SAMD5: variants seen among roughly 807,000 people sequenced by gnomAD.
SAMD5 encodes sterile alpha motif domain containing 5.
SAMD5 carries 13 observed loss-of-function variants against 11.3 expected under a neutral mutation model. That is an observed-to-expected ratio of 1.15 (90% CI 0.75 to 1.83). The LOEUF (loss-of-function observed/expected upper bound fraction) is 1.83, where lower values mean the gene tolerates loss of function less well. Among genes scored for constraint, SAMD5 ranks in the 40% most tolerant of loss-of-function variants. The pLI, the probability that SAMD5 is intolerant of heterozygous loss-of-function variation, is 0.00. For missense variants in SAMD5, 255 were observed against 239.1 expected (o/e 1.07, Z -0.44); for synonymous variants, 129 against 111.3 (o/e 1.16, Z -1.00).
At chr6:147,707,336 T>G (rs1264290063) in intron 1 of SAMD5, among the ~76,000 whole-genome samples, 3 of 152,220 alleles carry the variant, frequency 2.0e-5, no homozygotes. Flanking sequence ...AATACACCAT[T>G]TTGTTCAGAA....
chr6:147,941,757 T>C, the SAMD5 span, among the ~76,000 whole-genome samples: 1 of 149,772 alleles, frequency 6.7e-6, no homozygotes, highest in South Asian at 2.1e-4. Context: ...ATAAACAAAA[T>C]ACACATTTTT....
chr6:147,632,335 G>A (rs1790163466), intron 1 of SAMD5, among the ~76,000 whole-genome samples: 1 of 152,200 alleles, frequency 6.6e-6, no homozygotes, highest in Non-Finnish European at 1.5e-5. Flanking sequence ...TGGTGGTGCA[G>A]GATATGGAAG....
the SAMD5 span, among the ~76,000 whole-genome samples, chr6:147,858,842 A>G: frequency 1.3e-5 from 2 of 152,252 alleles, no homozygotes; most frequent in Non-Finnish European, 2.9e-5. Context: ...GTAAATATTC[A>G]GTGCCTACCA....
chr6:147,692,488 G>GT (rs1260148971), intron 1 of SAMD5: 2 of 152,266 alleles, frequency 1.3e-5, no homozygotes, highest in Non-Finnish European at 2.9e-5. Flanking sequence ...GCAGTCTTTG[G>GT]TAAGTCTAGA....
chr6:147,866,103 G>A, the SAMD5 span, among the ~76,000 whole-genome samples: 1 of 139,254 alleles, frequency 7.2e-6, no homozygotes, highest in Non-Finnish European at 1.6e-5. Context: ...GTATCTTAGT[G>A]AGCTGAAATT....
chr6:147,698,025 G>A (rs1217385571), intron 1 of SAMD5, among the ~76,000 whole-genome samples: 1 of 152,178 alleles, frequency 6.6e-6, no homozygotes, highest in Non-Finnish European at 1.5e-5. Context: ...GCATTAGTTA[G>A]ATTCTCATAA....
chr6:147,773,558 G>T, the SAMD5 span, among the ~76,000 whole-genome samples: 17 of 152,310 alleles, frequency 1.1e-4, no homozygotes, highest in African/African-American at 3.8e-4. Context: ...TATCTGGTTA[G>T]GGCCTGCTTC....
the SAMD5 span, among the ~76,000 whole-genome samples, chr6:147,933,093 T>G: frequency 1.3e-5 from 2 of 152,180 alleles, no homozygotes; most frequent in Non-Finnish European, 2.9e-5. Context: ...TCTTCCTCCT[T>G]TCCAATAGTA....
At chr6:147,840,734 G>A in the SAMD5 span, among the ~76,000 whole-genome samples, 198 of 152,302 alleles carry the variant, frequency 1.3e-3, no homozygotes, top group African/African-American at 4.4e-3. Flanking sequence ...TAAAAGAGAG[G>A]TAATGATACT....
At chr6:147,877,572 C>T in the SAMD5 span, among the ~76,000 whole-genome samples, 1 of 152,118 alleles carries the variant, frequency 6.6e-6, no homozygotes, top group African/African-American at 2.4e-5. Context: ...TTTGGTTACA[C>T]AACAGTCTAG....
the SAMD5 span, among the ~76,000 whole-genome samples, chr6:147,779,712 TTCCTCCTGGAGAGA>T: frequency 6.6e-6 from 1 of 152,202 alleles, no homozygotes; most frequent in African/African-American, 2.4e-5. Flanking sequence ...TATCTCTTTG[TTCCTCCTGGAGAGA>T]TAGCACTATA....
chr6:147,557,465 T>C (rs1417609599), intron 1 of SAMD5, among the ~76,000 whole-genome samples: 2 of 152,160 alleles, frequency 1.3e-5, no homozygotes, highest in East Asian at 1.9e-4. Flanking sequence ...GGGGAGACTC[T>C]TTCCTTGTCT....
the SAMD5 span, among the ~76,000 whole-genome samples, chr6:147,909,622 T>TTCTCTCTCTCTCTCTCTC: frequency 1.0e-4 from 7 of 69,782 alleles, no homozygotes; most frequent in East Asian, 1.3e-3. Context: ...CTTTCTTTCT[T>TTCTCTCTCTCTCTCTCTC]TCTTTCTTTC....
the SAMD5 span, among the ~76,000 whole-genome samples, chr6:147,918,898 G>C: frequency 6.6e-5 from 10 of 151,768 alleles, no homozygotes; most frequent in South Asian, 2.1e-4. Flanking sequence ...GTAGAGACAG[G>C]GTTTCACCGT....
chr6:147,611,939 C>G (rs1271751609), intron 1 of SAMD5, among the ~76,000 whole-genome samples: 1 of 152,204 alleles, frequency 6.6e-6, no homozygotes, highest in Non-Finnish European at 1.5e-5. Flanking sequence ...CTTCCCAACA[C>G]CTGAGCACAA....
chr6:147,802,144 C>G, the SAMD5 span, among the ~76,000 whole-genome samples: 1 of 152,082 alleles, frequency 6.6e-6, no homozygotes, highest in Non-Finnish European at 1.5e-5. Context: ...AAAAGGTTTA[C>G]AATACATGTA....
At chr6:147,916,630 G>T in the SAMD5 span, among the ~76,000 whole-genome samples, 4 of 151,946 alleles carry the variant, frequency 2.6e-5, no homozygotes, top group East Asian at 5.8e-4. Context: ...TATGTATGCA[G>T]GTGCCATGCT....
At chr6:147,742,228 A>G (rs1297612533), downstream of SAMD5, among the ~76,000 whole-genome samples, 3 of 151,836 alleles carry the variant, frequency 2.0e-5, no homozygotes, top group Non-Finnish European at 4.4e-5. Context: ...TGCCCTGTGC[A>G]TGTTCACTAG....
chr6:147,667,667 A>G (rs73787370), intron 1 of SAMD5, among the ~76,000 whole-genome samples: 1,873 of 152,304 alleles, frequency 0.012, 53 homozygotes, highest in African/African-American at 0.043. Flanking sequence ...TTTCCATCAC[A>G]CTGAGGTAGA....
Sources: allele counts gnomAD v4.1 joint callset (sites outside exome capture counted in the v4.1 genomes callset), GRCh38; gene constraint gnomAD v4.1.1; transcripts MANE v1.5; gene names NCBI Gene and HGNC (gene_info 2026-07-23, HGNC 2026-07-21).